The following PARN variants were observed in gnomAD, a reference collection of about 807,000 sequenced individuals.
The protein encoded by PARN is poly(A)-specific ribonuclease.
PARN carries 71 observed loss-of-function variants against 102.8 expected under a neutral mutation model. The ratio of observed to expected loss-of-function variants is 0.69; its 90% CI spans 0.57 to 0.84. The LOEUF (loss-of-function observed/expected upper bound fraction) is 0.84. PARN is among the 40% of genes least tolerant of loss of function. PARN has a pLI of 0.00. For synonymous variants in PARN, 261 were observed against 252.9 expected (o/e 1.03, Z -0.30); for missense variants, 782 against 760.9 (o/e 1.03, Z -0.33).
At chr16:14,475,631 T>C (rs924731293) in intron 22 of PARN, among the ~76,000 whole-genome samples, 6 of 152,250 alleles carry the variant, frequency 3.9e-5, no homozygotes, top group African/African-American at 1.4e-4. Flanking sequence ...GCAGCACTGC[T>C]AATAGCCACG....
chr16:14,602,326 C>A (rs910234830), intron 11 of PARN, among the ~76,000 whole-genome samples: 1 of 152,024 alleles, frequency 6.6e-6, no homozygotes, highest in Non-Finnish European at 1.5e-5. Context: ...CCTCAGGATT[C>A]AGCCCCAGGT....
At chr16:14,544,373 G>A (rs1307442887) in intron 21 of PARN, among the ~76,000 whole-genome samples, 2 of 152,050 alleles carry the variant, frequency 1.3e-5, no homozygotes, top group Admixed American at 6.6e-5. Flanking sequence ...CAAGGAGATC[G>A]AGATCAGCCT....
At chr16:14,464,546 A>T (rs1316512274) in intron 22 of PARN, among the ~76,000 whole-genome samples, 1 of 152,100 alleles carries the variant, frequency 6.6e-6, no homozygotes, top group Non-Finnish European at 1.5e-5. Context: ...ACCTGAGGTA[A>T]GGAGTTCAAG....
chr16:14,604,291 G>T, intron 10 of PARN, 65 bp from the exon 11 acceptor site: 2 of 1,006,642 alleles, frequency 2.0e-6, no homozygotes, highest in Non-Finnish European at 3.0e-6. Context: ...ACAGAGTTTC[G>T]CTCTTGTTGC....
chr16:14,536,233 A>G (rs574623270), intron 21 of PARN, among the ~76,000 whole-genome samples: 13 of 152,236 alleles, frequency 8.5e-5, no homozygotes, highest in Non-Finnish European at 1.8e-4. Context: ...AAATTTGCTA[A>G]AATCAGATTT....
At chr16:14,558,632 A>G (rs1967857893) in intron 18 of PARN, 1 of 152,250 alleles carries the variant, frequency 6.6e-6, no homozygotes, top group Non-Finnish European at 1.5e-5. Flanking sequence ...ATTTGATAAT[A>G]CATGGAGGTC....
Position 14,609,054 on chromosome 16 carries a change from T to A in PARN, c.620+4A>T. ...GACATGCAGAAATGTTCAGGACAAC[T>A]AACCCGGTACATGGCTCTAAATCCA... On this transcript the variant is annotated splice_donor_region_variant and intron_variant, in intron 8 of 23. Coordinates refer to ENST00000437198, the MANE Select transcript of PARN (RefSeq NM_002582.4). 6 of 1,555,726 alleles carry A rather than the reference T, an allele frequency of 3.9e-6. No individual in the cohort carries two copies. Among genetic ancestry groups the A allele is most frequent in the Non-Finnish European group, 5.3e-6 (6 of 1,133,140 alleles).
At chr16:14,510,952 G>A (rs1965155659) in intron 21 of PARN, among the ~76,000 whole-genome samples, 1 of 152,148 alleles carries the variant, frequency 6.6e-6, no homozygotes, top group Non-Finnish European at 1.5e-5. Context: ...GAGCCACAGA[G>A]GAAAAAATAT....
intron 18 of PARN, among the ~76,000 whole-genome samples, chr16:14,573,403 C>T (rs1968926222): frequency 6.6e-6 from 1 of 152,120 alleles, no homozygotes; most frequent in Non-Finnish European, 1.5e-5. Context: ...TATAACATAT[C>T]TCTTGAATTT....
chr16:14,525,373 A>G (rs1270021448), intron 21 of PARN, among the ~76,000 whole-genome samples: 2 of 152,156 alleles, frequency 1.3e-5, no homozygotes, highest in African/African-American at 4.8e-5. Context: ...GTAACCCTCA[A>G]TGCAGCGGTC....
chr16:14,596,660 C>T (rs1007748696), intron 12 of PARN, among the ~76,000 whole-genome samples: 7 of 151,938 alleles, frequency 4.6e-5, no homozygotes, highest in Admixed American at 2.6e-4. Flanking sequence ...GAGGGAGGAT[C>T]GCTTGAGCCC....
At chr16:14,577,245 A>G (rs1194781869) in intron 18 of PARN, among the ~76,000 whole-genome samples, 2 of 152,232 alleles carry the variant, frequency 1.3e-5, no homozygotes, top group Non-Finnish European at 2.9e-5. Context: ...AGCTTGAGAT[A>G]ATGTTGGGGG....
Position 14,606,374 on chromosome 16 carries a change from G to C in PARN, c.702+110C>G, listed in dbSNP as rs1207681140. ...GACTAACCACTGCACTCCAGCCTGG[G>C]TAATCAGAGAAAGACCCTGAGGGAA... On this transcript the variant is annotated intron_variant, in intron 10 of 23. Transcript: ENST00000437198. 13 of 534,972 alleles carry C rather than the reference G, an allele frequency of 2.4e-5. No homozygotes were observed. The Admixed American group carries it at 5.0e-4, about 20-fold the overall frequency. The allele number at this position is 534,972 out of a possible 1,614,324, so 33.1% of individuals were successfully genotyped here.
At chr16:14,469,087 T>TA (rs1184032236) in intron 22 of PARN, among the ~76,000 whole-genome samples, 1 of 151,926 alleles carries the variant, frequency 6.6e-6, no homozygotes, top group Non-Finnish European at 1.5e-5. Flanking sequence ...CATCTGAGGT[T>TA]AGGAATTCAA....
intron 5 of PARN, among the ~76,000 whole-genome samples, chr16:14,621,474 T>C (rs567776062): frequency 6.6e-6 from 1 of 152,332 alleles, no homozygotes; most frequent in South Asian, 2.1e-4. Context: ...ACGGTTAGAA[T>C]AGTAAAATTT....
rs57502376 is a variant in PARN, at chr16:14,614,846, C to CAAAAAAAAAAAAAAAAAAAAA, written c.388+2723_388+2743dup. Among the ~76,000 whole-genome samples, 8 of 37,650 alleles carry CAAAAAAAAAAAAAAAAAAAAA rather than the reference C, an allele frequency of 2.1e-4. 1 individual carries two copies. Among genetic ancestry groups the CAAAAAAAAAAAAAAAAAAAAA allele is most frequent in the Non-Finnish European group, 3.0e-4 (7 of 23,158 alleles). 24.7% of individuals were successfully genotyped at this position (37,650 alleles called of 152,430 possible). A position where few individuals can be genotyped will look rare whatever the true frequency, so the allele number is the denominator to read the frequency against. On this transcript the variant is annotated intron_variant, in intron 6 of 23. Transcript: ENST00000437198. ...ATGGGAAAGAAGAGCGAAACTGTCT[C>CAAAAAAAAAAAAAAAAAAAAA]AAAAAAAAAAAAAAAAAAAAAAAAA...
intron 21 of PARN, among the ~76,000 whole-genome samples, chr16:14,516,023 C>T (rs1965439333): frequency 6.6e-6 from 1 of 151,722 alleles, no homozygotes; most frequent in Admixed American, 6.6e-5. Context: ...AATGAGGTCA[C>T]AGTACTCAAG....
intron 13 of PARN, among the ~76,000 whole-genome samples, chr16:14,592,558 C>G (rs900463697): frequency 6.6e-6 from 1 of 152,200 alleles, no homozygotes; most frequent in Non-Finnish European, 1.5e-5. Flanking sequence ...ACCAAGGCAA[C>G]TTGGCTCAAG....
At chr16:14,570,111 C>T (rs983346860) in intron 18 of PARN, among the ~76,000 whole-genome samples, 2 of 151,696 alleles carry the variant, frequency 1.3e-5, no homozygotes, top group East Asian at 1.9e-4. Context: ...CAGGCCAAGG[C>T]GAGCAGATCA....
Sources: gnomAD v4.1 joint callset for allele counts (sites outside exome capture counted in the v4.1 genomes callset) on GRCh38, gnomAD v4.1.1 for gene constraint, MANE v1.5 for transcripts, NCBI Gene and HGNC (gene_info 2026-07-23, HGNC 2026-07-21) for gene names.